Variants in OCIAD1 observed in about 807,000 individuals in gnomAD.
OCIAD1 encodes OCIA domain containing 1.
In OCIAD1, 29 loss-of-function variants were observed where a neutral mutation model predicts 38.9. The ratio of observed to expected loss-of-function variants is 0.74; its 90% CI spans 0.55 to 1.02. OCIAD1 has a LOEUF of 1.02. Among genes scored for constraint, OCIAD1 ranks in the 50% least tolerant of loss-of-function variants. OCIAD1 has a pLI of 0.00. For missense variants in OCIAD1, 288 were observed against 289.6 expected, an observed-to-expected ratio of 0.99 and a Z score of 0.04; for synonymous variants, 110 against 92.0, an observed-to-expected ratio of 1.20 and a Z score of -1.12.
chr4:48,851,027 A>G (rs1470881215), intron 6 of OCIAD1, among the ~76,000 whole-genome samples: 1 of 152,208 alleles, frequency 6.6e-6, no homozygotes, highest in Non-Finnish European at 1.5e-5. Context: ...ATCTCTTAAC[A>G]GATTTCAGCT....
chr4:48,853,206 GTAA>G (rs1250796170), intron 7 of OCIAD1, among the ~76,000 whole-genome samples: 1 of 151,954 alleles, frequency 6.6e-6, no homozygotes, highest in Admixed American at 6.6e-5. Flanking sequence ...AATTAAACTG[GTAA>G]TAAAATCTGA....
At chr4:48,859,026 A>G (rs1375073677) in intron 8 of OCIAD1, among the ~76,000 whole-genome samples, 3 of 152,234 alleles carry the variant, frequency 2.0e-5, no homozygotes, top group Non-Finnish European at 2.9e-5. Flanking sequence ...TACTTTAAAA[A>G]TGGAAATAAT....
chr4:48,837,530 A>C lies in OCIAD1; in HGVS notation c.139+4049A>C, dbSNP rs532754951. On this transcript the variant is annotated intron_variant, in intron 3 of 8. Coordinates refer to ENST00000264312, the MANE Select transcript of OCIAD1 (RefSeq NM_017830.4). ...CTGGTCTCGAGCTCCTGACCTTGTG[A>C]TCTGCCCACCTCGGCCTCACAAAGT... Among the ~76,000 whole-genome samples, 25 of 151,676 alleles carry C rather than the reference A, an allele frequency of 1.6e-4. No homozygotes were observed. The East Asian group carries it at 4.3e-3, about 26-fold the overall frequency.
chr4:48,820,297 G>T (rs1057184179), intron 1 of OCIAD1, among the ~76,000 whole-genome samples: 1 of 152,168 alleles, frequency 6.6e-6, no homozygotes, highest in Non-Finnish European at 1.5e-5. Context: ...CCTCCTGAAT[G>T]AGTACTGGGT....
chr4:48,845,593 G>A (rs973970267), intron 4 of OCIAD1, among the ~76,000 whole-genome samples: 1 of 152,024 alleles, frequency 6.6e-6, no homozygotes, highest in African/African-American at 2.4e-5. Flanking sequence ...TCTTGTATGG[G>A]TTTTTTTGTC....
chr4:48,859,404 G>A (rs1780401151), intron 8 of OCIAD1, among the ~76,000 whole-genome samples: 1 of 152,118 alleles, frequency 6.6e-6, no homozygotes, highest in African/African-American at 2.4e-5. Flanking sequence ...AGGGCAGAAA[G>A]TAATATTTTT....
At chr4:48,833,265 A>T (rs945075757) in intron 2 of OCIAD1, 136 bp from the exon 3 acceptor site, 50 of 606,046 alleles carry the variant, frequency 8.3e-5, no homozygotes, top group Non-Finnish European at 1.4e-4. Flanking sequence ...AAAACAAAAA[A>T]AGTGCATAAG....
At chr4:48,842,754 C>T (rs1778649892) in intron 4 of OCIAD1, 65 bp downstream of exon 4, 1 of 868,564 alleles carries the variant, frequency 1.2e-6, no homozygotes, top group Non-Finnish European at 1.8e-6. Flanking sequence ...TGGTATTTTC[C>T]AGGTCTTTAG....
At chr4:48,831,328 C>G (rs1277046433) in intron 1 of OCIAD1, 79 bp downstream of exon 1, 3 of 411,150 alleles carry the variant, frequency 7.3e-6, no homozygotes, top group South Asian at 1.8e-5. Context: ...CCACGACTTT[C>G]GCACCTTCCG....
intron 7 of OCIAD1, among the ~76,000 whole-genome samples, chr4:48,854,278 T>C (rs2109607490): frequency 6.6e-6 from 1 of 152,282 alleles, no homozygotes; most frequent in South Asian, 2.1e-4. Flanking sequence ...ACAGTGTGGA[T>C]ATGCTGGACA....
At chr4:48,848,224 A>G (rs754015379) in intron 4 of OCIAD1, among the ~76,000 whole-genome samples, 175 bp from the exon 5 acceptor site, 1 of 151,748 alleles carries the variant, frequency 6.6e-6, no homozygotes, top group Non-Finnish European at 1.5e-5. Flanking sequence ...AGTCTTTTGG[A>G]TTTTCGTCAT....
chr4:48,816,536 GAA>G (rs34578790), intron 1 of OCIAD1, among the ~76,000 whole-genome samples: 58 of 132,850 alleles, frequency 4.4e-4, no homozygotes, highest in South Asian at 3.9e-3. Flanking sequence ...CGTCTAAAAG[GAA>G]AAAAAAAAAA....
At chr4:48,844,395 C>G (rs984578347) in intron 4 of OCIAD1, among the ~76,000 whole-genome samples, 1 of 151,998 alleles carries the variant, frequency 6.6e-6, no homozygotes, top group African/African-American at 2.4e-5. Context: ...TCGGGTGCAT[C>G]ACAAGGTTAG....
intron 3 of OCIAD1, among the ~76,000 whole-genome samples, chr4:48,838,811 AGG>A (rs1778253071): frequency 6.6e-6 from 1 of 152,182 alleles, no homozygotes; most frequent in African/African-American, 2.4e-5. Flanking sequence ...TTGTTGATCT[AGG>A]GACCATTCTC....
At chr4:48,842,801 A>T in intron 4 of OCIAD1, 112 bp downstream of exon 4, 1 of 584,994 alleles carries the variant, frequency 1.7e-6, no homozygotes, top group Non-Finnish European at 2.9e-6. Context: ...ATTAAACACT[A>T]TGTAGAAATT....
intron 1 of OCIAD1, among the ~76,000 whole-genome samples, chr4:48,808,652 T>C (rs992528320): frequency 6.6e-6 from 1 of 152,180 alleles, no homozygotes; most frequent in Non-Finnish European, 1.5e-5. Context: ...CTCTGAAGAA[T>C]GCAGCCCTCA....
In OCIAD1 at chr4:48,850,092, A is replaced by T; in HGVS notation, c.377+10A>T. ...GATCTTCACCACCTGGGTAGGCCAG[A>T]TTCTGATCTTTACTTAAGATTTTTA... On this transcript the variant is annotated intron_variant, in intron 6 of 8. Coordinates refer to ENST00000264312, the MANE Select transcript of OCIAD1 (RefSeq NM_017830.4). 1 of 1,607,808 alleles carries T rather than the reference A, an allele frequency of 6.2e-7. No homozygotes were observed. The highest frequency in any genetic ancestry group is 8.5e-7 in the Non-Finnish European group (1 of 1,178,404).
intron 4 of OCIAD1, among the ~76,000 whole-genome samples, chr4:48,847,268 T>C (rs1171135506): frequency 6.6e-6 from 1 of 152,234 alleles, no homozygotes; most frequent in African/African-American, 2.4e-5. Flanking sequence ...TCTGTTTAAG[T>C]CTGTTAACCA....
intron 4 of OCIAD1, among the ~76,000 whole-genome samples, chr4:48,843,585 G>T (rs149961489): frequency 5.1e-4 from 77 of 152,224 alleles, no homozygotes; most frequent in African/African-American, 1.7e-3. Flanking sequence ...AACTTCTGAA[G>T]AACTTCATTA....
Sources: allele counts gnomAD v4.1 joint callset (sites outside exome capture counted in the v4.1 genomes callset), GRCh38; gene constraint gnomAD v4.1.1; transcripts MANE v1.5; gene names NCBI Gene and HGNC (gene_info 2026-07-23, HGNC 2026-07-21).